The following BTG3 variants were observed in gnomAD, a reference collection of about 807,000 sequenced individuals.
BTG3 encodes protein BTG3.
Under a neutral mutation model 25.8 loss-of-function variants are expected in BTG3, and 4 were observed. The ratio of observed to expected loss-of-function variants is 0.16; its 90% CI spans 0.08 to 0.36. The LOEUF (loss-of-function observed/expected upper bound fraction) is 0.36, where lower values mean the gene tolerates loss of function less well. Among genes scored for constraint, BTG3 ranks in the 10% least tolerant of loss-of-function variants. The probability of loss-of-function intolerance (pLI) is 1.00; values close to 1 mark genes in which losing one functional copy is unlikely to be tolerated. For synonymous variants in BTG3, 107 were observed against 99.9 expected, an observed-to-expected ratio of 1.07 and a Z score of -0.42; for missense variants, 201 against 304.9, an observed-to-expected ratio of 0.66 and a Z score of 2.54.
At chr21:17,612,125 G>T (rs1418792510) in intron 1 of BTG3, 2 of 152,330 alleles carry the variant, frequency 1.3e-5, no homozygotes, top group African/African-American at 4.8e-5. Context: ...ACCCGCTCTT[G>T]AAAGAACCGC....
intron 1 of BTG3, among the ~76,000 whole-genome samples, chr21:17,611,212 T>G (rs1192240470): frequency 1.3e-5 from 2 of 152,166 alleles, no homozygotes; most frequent in African/African-American, 4.8e-5. Context: ...CAATTTAATA[T>G]ACGGGTTGGG....
intron 3 of BTG3, among the ~76,000 whole-genome samples, chr21:17,600,696 GAAAAGA>G (rs1253984418): frequency 6.6e-6 from 1 of 151,880 alleles, no homozygotes; most frequent in African/African-American, 2.4e-5. Context: ...TAAAAAAACA[GAAAAGA>G]AAATGTATGT....
At chr21:17,608,337 C>A (rs147305061) in intron 2 of BTG3, among the ~76,000 whole-genome samples, 84 of 151,356 alleles carry the variant, frequency 5.5e-4, no homozygotes, top group Middle Eastern at 3.4e-3. Flanking sequence ...TATACCACTG[C>A]ACTCTAGACT....
chr21:17,610,249 T>C (rs890373653), intron 1 of BTG3, among the ~76,000 whole-genome samples: 15 of 152,226 alleles, frequency 9.9e-5, no homozygotes, highest in South Asian at 4.1e-4. Flanking sequence ...AATTTCACTA[T>C]AGTAATGGTT....
chr21:17,594,000 CACT>C lies in BTG3; in HGVS notation c.*90_*92del, dbSNP rs1241185089. On this transcript the variant is annotated 3_prime_UTR_variant, in exon 5 of 5. Coordinates refer to ENST00000348354, the MANE Select transcript of BTG3 (RefSeq NM_006806.5). Reference sequence around the variant, plus strand: ...TTTGATGGTTTGGCCCATCTAACTTCACTACTATTAGTAAGAACTTTTAACTTT... The same window carrying C: ...TTTGATGGTTTGGCCCATCTAACTTCACTATTAGTAAGAACTTTTAACTTT... 5.6e-6 allele frequency: 8 copies of C among 1,436,614 alleles called. No individual in the cohort carries two copies. The highest frequency in any genetic ancestry group is 2.9e-5 in the African/African-American group (2 of 69,540). 89.0% of individuals were successfully genotyped at this position (1,436,614 alleles called of 1,614,324 possible). A position where few individuals can be genotyped will look rare whatever the true frequency, so the allele number is the denominator to read the frequency against.
rs891077323 is a variant in BTG3 at position 17,598,913 on chromosome 21, A to G, written c.312-89T>C. The G allele has an allele frequency of 4.1e-6, 4 of 986,432 alleles. No individual in the cohort carries two copies. The African/African-American group carries it at 4.9e-5, about 12-fold the overall frequency. The allele number at this position is 986,432 out of a possible 1,614,324, so 61.1% of individuals were successfully genotyped here. On this transcript the variant is annotated intron_variant, in intron 3 of 4. Transcript: ENST00000348354. ...AAAAACAAAGAGATCTGGACATGCC[A>G]TCAATACAAGGCAAAGATTGAATCA...
At position 17,593,880 on chromosome 21, in the gene BTG3, G is replaced by A; in HGVS notation, c.*213C>T. 1 of 599,290 alleles carries A rather than the reference G, an allele frequency of 1.7e-6. No homozygotes were observed. Among genetic ancestry groups the A allele is most frequent in the Non-Finnish European group, 2.7e-6 (1 of 369,448 alleles). The allele number at this position is 599,290 out of a possible 1,614,324, so 37.1% of individuals were successfully genotyped here. A position where few individuals can be genotyped will look rare whatever the true frequency, so the allele number is the denominator to read the frequency against. The stretch of plus-strand genomic sequence containing the variant: ...TCCAATATTAAAAACTTAGGCACTT[G>A]ACTAACTTTAATAAAATTTCTCAAA... On this transcript the variant is annotated 3_prime_UTR_variant, in exon 5 of 5. Coordinates refer to ENST00000348354, the MANE Select transcript of BTG3 (RefSeq NM_006806.5).
At chr21:17,604,346 G>A (rs927510249) in intron 3 of BTG3, 1 of 203,894 alleles carries the variant, frequency 4.9e-6, no homozygotes, top group African/African-American at 2.4e-5. Context: ...TCAGGAGGCT[G>A]AGGCAGGAGA....
Position 17,594,465 on chromosome 21 carries a change from T to G in BTG3, c.520-133A>C, listed in dbSNP as rs2824387. On this transcript the variant is annotated intron_variant, in intron 4 of 4. Coordinates refer to ENST00000348354, the MANE Select transcript of BTG3 (RefSeq NM_006806.5). The stretch of plus-strand genomic sequence containing the variant: ...TCTAAGTGACACTCCTATTGTCAGG[T>G]CTAAATACATTAAAAACCTCATGTG... 6,126 of 1,061,336 alleles carry G rather than the reference T, an allele frequency of 5.8e-3. 344 individuals carry two copies. The East Asian group carries it at 0.12, about 21-fold the overall frequency. 65.7% of individuals were successfully genotyped at this position (1,061,336 alleles called of 1,614,324 possible).
chr21:17,612,512 G>T (rs1270385123), intron 1 of BTG3, 187 bp downstream of exon 1: 1 of 152,072 alleles, frequency 6.6e-6, no homozygotes, highest in Non-Finnish European at 1.5e-5. Context: ...CCGCCCTCGC[G>T]GCCCGCAGCC....
chr21:17,595,774 T>C (rs536620893), intron 4 of BTG3, among the ~76,000 whole-genome samples: 1 of 152,130 alleles, frequency 6.6e-6, no homozygotes, highest in African/African-American at 2.4e-5. Flanking sequence ...TATAGGCATA[T>C]TTTCGTTTCT....
rs188071848 is a variant in BTG3, at chr21:17,593,833, G to A, written c.*260C>T. The A allele has an allele frequency of 1.2e-5, 5 of 421,116 alleles. No individual in the cohort carries two copies. In the Admixed American group the frequency reaches 1.7e-4, roughly 14 times the overall value. The allele number at this position is 421,116 out of a possible 1,614,324, so 26.1% of individuals were successfully genotyped here. A position where few individuals can be genotyped will look rare whatever the true frequency, so the allele number is the denominator to read the frequency against. ...TGTTCTCGTATCCAACAGAGTTGAT[G>A]CACAATATATAAATACTCAAGTCCA... On this transcript the variant is annotated 3_prime_UTR_variant, in exon 5 of 5. Coordinates refer to ENST00000348354, the MANE Select transcript of BTG3 (RefSeq NM_006806.5).
At chr21:17,598,866 C>A (rs1354833470) in intron 3 of BTG3, 42 bp from the exon 4 acceptor site, 5 of 1,510,826 alleles carry the variant, frequency 3.3e-6, no homozygotes, top group East Asian at 4.6e-5. Flanking sequence ...GAAGTCACAT[C>A]AGCAAAGCAA....
intron 3 of BTG3, among the ~76,000 whole-genome samples, chr21:17,603,776 C>T (rs1186814320): frequency 6.6e-6 from 1 of 152,176 alleles, no homozygotes; most frequent in Non-Finnish European, 1.5e-5. Flanking sequence ...ATGGCTCATC[C>T]TTCACCTCCC....
At chr21:17,597,219 A>C (rs1205698968) in intron 4 of BTG3, among the ~76,000 whole-genome samples, 1 of 152,096 alleles carries the variant, frequency 6.6e-6, no homozygotes, top group African/African-American at 2.4e-5. Context: ...GAAATCCTAA[A>C]AATTAAAGGT....
rs1569176618 is a variant in BTG3 at position 17,598,714 on chromosome 21, T to C, written c.422A>G (p.Asp141Gly). The C allele has an allele frequency of 6.2e-7, 1 of 1,614,132 alleles. No homozygotes were observed. The highest frequency in any genetic ancestry group is 8.5e-7 in the Non-Finnish European group (1 of 1,179,972). The change falls in exon 4 of 5, where the codon GAT (aspartate) becomes GGT (glycine). Residue 141 changes from aspartate to glycine, a missense_variant. Physicochemically the swap from Asp to Gly is moderately conservative, Grantham distance 94. Coordinates refer to ENST00000348354, the MANE Select transcript of BTG3 (RefSeq NM_006806.5). The part of the protein sequence containing the change: ...VTRALDKVTS[D>G]YHSGSSSSDE... ...TGAAGAAGAGGATCCTGAATGATAATCAGAGGTAACCTTATCAAGGGCCCT... is the reference window on the plus strand; with the variant it reads ...TGAAGAAGAGGATCCTGAATGATAACCAGAGGTAACCTTATCAAGGGCCCT...
chr21:17,608,459 ATAGT>A (rs1388591357), intron 2 of BTG3, among the ~76,000 whole-genome samples: 4 of 152,176 alleles, frequency 2.6e-5, no homozygotes, highest in Non-Finnish European at 5.9e-5. Context: ...CATCTAGAAA[ATAGT>A]TACACTGACT....
intron 2 of BTG3, among the ~76,000 whole-genome samples, chr21:17,608,475 C>G (rs2061676186): frequency 6.6e-6 from 1 of 151,788 alleles, no homozygotes; most frequent in Non-Finnish European, 1.5e-5. Flanking sequence ...ACACTGACTT[C>G]TACCACAAAT....
intron 3 of BTG3, among the ~76,000 whole-genome samples, chr21:17,600,007 G>C (rs1004421333): frequency 2.6e-5 from 4 of 151,980 alleles, no homozygotes; most frequent in Admixed American, 6.5e-5. Context: ...GAGTTTCCTA[G>C]GATAACTACT....
Sources: allele counts gnomAD v4.1 joint callset (sites outside exome capture counted in the v4.1 genomes callset), GRCh38; gene constraint gnomAD v4.1.1; transcripts MANE v1.5; gene names NCBI Gene and HGNC (gene_info 2026-07-23, HGNC 2026-07-21).